NEK2: variants seen among roughly 807,000 people sequenced by gnomAD.
NEK2 encodes serine/threonine-protein kinase Nek2.
Under a neutral mutation model 54.1 loss-of-function variants are expected in NEK2, and 28 were observed. That is an observed-to-expected ratio of 0.52 (90% CI 0.38 to 0.71). NEK2 has a LOEUF of 0.71. NEK2 is among the 30% of genes least tolerant of loss of function. The pLI is 0.00. For synonymous variants in NEK2, 176 were observed against 193.1 expected, an observed-to-expected ratio of 0.91 and a Z score of 0.73; for missense variants, 407 against 531.5, an observed-to-expected ratio of 0.77 and a Z score of 2.30.
At chr1:211,674,721 A>G (rs1400249017) in intron 1 of NEK2, among the ~76,000 whole-genome samples, 1 of 152,096 alleles carries the variant, frequency 6.6e-6, no homozygotes, top group African/African-American at 2.4e-5. Context: ...TTGTGGGGAG[A>G]CAAACGGGAA....
At position 211,662,885 on chromosome 1, in the gene NEK2, A is replaced by G. The variant is rs555041395; in HGVS notation, c.*541T>C. Reference sequence around the variant, plus strand: ...AAGAATACAAACATCACAGTGATGAATTTTCACAAAGCTAACAGATTTGAA... The same window carrying G: ...AAGAATACAAACATCACAGTGATGAGTTTTCACAAAGCTAACAGATTTGAA... On this transcript the variant is annotated 3_prime_UTR_variant, in exon 8 of 8. Coordinates refer to ENST00000366999, the MANE Select transcript of NEK2 (RefSeq NM_002497.4). This position sits in a 1 kb window ranked among gnomAD's most constrained non-coding sequence, Gnocchi z 4.2. 11 of 986,070 alleles carry G rather than the reference A, an allele frequency of 1.1e-5. No individual in the cohort carries two copies. In the South Asian group the frequency reaches 4.2e-4, roughly 38 times the overall value. 61.1% of individuals were successfully genotyped at this position (986,070 alleles called of 1,614,324 possible).
chr1:211,662,924 G>A lies in NEK2; in HGVS notation c.*502C>T, dbSNP rs1267875813. 1.0e-6 allele frequency: 1 copy of A among 986,918 alleles called. No individual in the cohort carries two copies. Among genetic ancestry groups the A allele is most frequent in the Non-Finnish European group, 1.2e-6 (1 of 830,850 alleles). The allele number at this position is 986,918 out of a possible 1,614,324, so 61.1% of individuals were successfully genotyped here. A position where few individuals can be genotyped will look rare whatever the true frequency, so the allele number is the denominator to read the frequency against. ...AACAGATTTGAACTACAGAGCAATGGAATATTTATAAGCAAGATGTCATGG... is the reference window on the plus strand; with the variant it reads ...AACAGATTTGAACTACAGAGCAATGAAATATTTATAAGCAAGATGTCATGG... On this transcript the variant is annotated 3_prime_UTR_variant, in exon 8 of 8. Coordinates refer to ENST00000366999, the MANE Select transcript of NEK2 (RefSeq NM_002497.4). The surrounding 1 kb of genome is among the most constrained non-coding windows in gnomAD (Gnocchi z 4.2).
rs527522873 is a variant in NEK2, at chr1:211,663,197, A to G, written c.*229T>C. 8 of 1,306,970 alleles carry G rather than the reference A, an allele frequency of 6.1e-6. No homozygotes were observed. In the African/African-American group the frequency reaches 1.0e-4, roughly 17 times the overall value. The allele number at this position is 1,306,970 out of a possible 1,614,324, so 81.0% of individuals were successfully genotyped here. On this transcript the variant is annotated 3_prime_UTR_variant, in exon 8 of 8. Transcript: ENST00000366999. ...ACACAGGATTAAAAGCCCAACCAAG[A>G]AAGTATTCTTTTTATAATATGTTCT... is the stretch of plus-strand genomic sequence containing the variant.
At chr1:211,660,222 C>A (rs779137524), downstream of NEK2, 13 of 327,544 alleles carry the variant, frequency 4.0e-5, no homozygotes, top group Non-Finnish European at 7.4e-5. Flanking sequence ...TGCACGCCAG[C>A]CCCAGAAAGA....
Position 211,667,123 on chromosome 1 carries a change from G to A in NEK2, c.1094C>T (p.Ser365Phe), listed in dbSNP as rs148490084. 1 of 1,613,732 alleles carries A rather than the reference G, an allele frequency of 6.2e-7. No individual in the cohort carries two copies. Among genetic ancestry groups the A allele is most frequent in the Non-Finnish European group, 8.5e-7 (1 of 1,179,906 alleles). ...YSLLKERKFL[S>F]LASNPELLNL... ...TCTCATACCTGGATTACTTGCCAGAGACAGGAACTTCCGTTCCTTTAGCAA... is the reference window on the plus strand; with the variant it reads ...TCTCATACCTGGATTACTTGCCAGAAACAGGAACTTCCGTTCCTTTAGCAA... Residue 365 changes from serine to phenylalanine, a missense_variant, in exon 7 of 8, where the codon TCT becomes TTT. Transcript: ENST00000366999.
At chr1:211,665,663 T>C (rs1409936862) in intron 7 of NEK2, among the ~76,000 whole-genome samples, 1 of 152,226 alleles carries the variant, frequency 6.6e-6, no homozygotes, top group Non-Finnish European at 1.5e-5. Context: ...AATATTTTTA[T>C]AATATTGAAA....
chr1:211,660,207 G>T, downstream of NEK2: 2 of 310,896 alleles, frequency 6.4e-6, no homozygotes, highest in East Asian at 7.0e-5. Flanking sequence ...TCCGCTTGTA[G>T]ATTTTGCACG....
chr1:211,660,765 A>G, downstream of NEK2: 2 of 690,846 alleles, frequency 2.9e-6, no homozygotes, highest in Admixed American at 3.6e-5. Context: ...TCTGATAGGA[A>G]CTCTGCAGGA....
chr1:211,663,574 C>T lies in NEK2; in HGVS notation c.1190G>A (p.Ser397Asn), dbSNP rs758512270. The T allele has an allele frequency of 6.2e-6, 10 of 1,613,892 alleles. No individual in the cohort carries two copies. The highest frequency in any genetic ancestry group is 2.2e-5 in the East Asian group (1 of 44,892). ...SGESKENIMRSENSESQLTSK... is the reference protein window; with the variant it reads ...SGESKENIMRNENSESQLTSK... ...TGTGAGCTGACTCTCAGAATTCTCA[C>T]TCCTCATGATGTTCTCTTTACTTTC... is the stretch of plus-strand genomic sequence containing the variant. Residue 397 changes from serine (S) to asparagine (N), a missense_variant, in exon 8 of 8, where the codon AGT becomes AAT. By Grantham distance (46) the Ser-to-Asn change is conservative (BLOSUM62 1). Transcript: ENST00000366999.
Position 211,662,873 on chromosome 1 carries a change from TCA to T in NEK2, c.*551_*552del. 4 of 983,130 alleles carry T rather than the reference TCA, an allele frequency of 4.1e-6. No homozygotes were observed. Among genetic ancestry groups the T allele is most frequent in the Non-Finnish European group, 4.8e-6 (4 of 828,000 alleles). 60.9% of individuals were successfully genotyped at this position (983,130 alleles called of 1,614,324 possible). On this transcript the variant is annotated 3_prime_UTR_variant, in exon 8 of 8. Transcript: ENST00000366999. The surrounding 1 kb of genome is among the most constrained non-coding windows in gnomAD (Gnocchi z 4.2). ...CAGAAAAAAAAAAAGAATACAAACATCACAGTGATGAATTTTCACAAAGCTAA... is the reference window on the plus strand; with the variant it reads ...CAGAAAAAAAAAAAGAATACAAACATCAGTGATGAATTTTCACAAAGCTAA...
chr1:211,658,904 C>T (rs1439243147), downstream of NEK2, among the ~76,000 whole-genome samples: 2 of 152,002 alleles, frequency 1.3e-5, no homozygotes, highest in Non-Finnish European at 2.9e-5. Flanking sequence ...CAGGATGGGT[C>T]ACTACTGCAT....
chr1:211,669,146 G>A lies in NEK2; in HGVS notation c.952C>T (p.Arg318Ter), dbSNP rs146817802. The A allele has an allele frequency of 3.0e-5, 48 of 1,613,752 alleles. No homozygotes were observed. Among genetic ancestry groups the A allele is most frequent in the African/African-American group, 2.8e-4 (21 of 74,898 alleles). Residue 318 changes from arginine (R) to a stop codon, truncating the protein, a stop_gained, in exon 6 of 8, where the codon CGA (arginine) becomes TGA (stop). Transcript: ENST00000366999. LOFTEE classifies it high-confidence loss of function. Reference protein sequence around the residue: ...LKEIQLQERERALKAREERLE... With the variant: ...LKEIQLQERE ...CTTTCTTCTCTTGCTTTGAGAGCTCGCTCTCGCTCCTGTAACTGAATTTCC... is the reference window on the plus strand; with the variant it reads ...CTTTCTTCTCTTGCTTTGAGAGCTCACTCTCGCTCCTGTAACTGAATTTCC...
intron 7 of NEK2, among the ~76,000 whole-genome samples, chr1:211,665,618 GGAT>G (rs1367962383): frequency 1.3e-5 from 2 of 152,036 alleles, no homozygotes; most frequent in Non-Finnish European, 2.9e-5. Flanking sequence ...TTGTCTTTAT[GGAT>G]GACAGTGTGG....
intron 7 of NEK2, among the ~76,000 whole-genome samples, chr1:211,663,972 A>T (rs867887270): frequency 6.6e-6 from 1 of 152,068 alleles, no homozygotes. Context: ...AATCAATGTT[A>T]TTTATCTCTG....
chr1:211,673,374 A>G, intron 3 of NEK2, 109 bp downstream of exon 3: 2 of 1,352,756 alleles, frequency 1.5e-6, no homozygotes, highest in East Asian at 2.4e-5. Flanking sequence ...AGATCGCACC[A>G]CTGCACTCCA....
chr1:211,670,444 T>C (rs891748752), intron 4 of NEK2, 37 bp from the exon 5 acceptor site: 2 of 1,585,696 alleles, frequency 1.3e-6, no homozygotes, highest in African/African-American at 2.7e-5. Context: ...GACGAAGACA[T>C]TTTCAAATTG....
chr1:211,666,414 T>C (rs1430067343), intron 7 of NEK2: 58 of 763,154 alleles, frequency 7.6e-5, no homozygotes, highest in Non-Finnish European at 9.2e-5. Context: ...AAATGAGGCA[T>C]GGCAATATTA....
chr1:211,664,311 G>T (rs921339235), intron 7 of NEK2, among the ~76,000 whole-genome samples: 7 of 152,076 alleles, frequency 4.6e-5, no homozygotes, highest in African/African-American at 1.7e-4. Flanking sequence ...ACTGGGGGCT[G>T]GAGGCTTACA....
chr1:211,659,079 A>G (rs1654954234), downstream of NEK2, among the ~76,000 whole-genome samples: 1 of 152,364 alleles, frequency 6.6e-6, no homozygotes, highest in African/African-American at 2.4e-5. Flanking sequence ...TCATGGAGTC[A>G]AATTTGCAAA....
Sources: allele counts gnomAD v4.1 joint callset (sites outside exome capture counted in the v4.1 genomes callset), GRCh38; gene constraint gnomAD v4.1.1; non-coding constraint Gnocchi (gnomAD v3.1); transcripts MANE v1.5; gene names NCBI Gene and HGNC (gene_info 2026-07-23, HGNC 2026-07-21).